Variants in FARP2 observed in about 807,000 individuals in gnomAD.
FARP2 encodes FERM, ARH/RhoGEF and pleckstrin domain protein 2.
FARP2 carries 111 observed loss-of-function variants against 130.5 expected under a neutral mutation model. The observed-to-expected ratio is 0.85, with a 90% CI of 0.73 to 1.00. FARP2 has a LOEUF of 1.00. FARP2 is among the 50% of genes least tolerant of loss of function. The pLI is 0.00. For missense variants in FARP2, 1,385 were observed against 1,346.3 expected (o/e 1.03, Z -0.45); for synonymous variants, 504 against 516.9 (o/e 0.98, Z 0.34).
intron 2 of FARP2, among the ~76,000 whole-genome samples, chr2:241,397,943 C>T (rs2062071315): frequency 6.6e-6 from 1 of 151,176 alleles, no homozygotes; most frequent in East Asian, 2.0e-4. Context: ...CATTCTCCTA[C>T]CTCAGCCTCC....
chr2:241,463,936 C>G lies in FARP2; in HGVS notation c.1849C>G (p.Gln617Glu), dbSNP rs777721028. Residue 617 changes from glutamine (Q) to glutamate (E), a missense_variant, in exon 17 of 27, where the codon CAA becomes GAA. By Grantham distance (29) the Gln-to-Glu change is conservative. Coordinates refer to ENST00000264042, the MANE Select transcript of FARP2 (RefSeq NM_014808.4). The part of the protein sequence containing the change: ...PSKAHTKGSH[Q>E]RIGDILLRNM... ...CAAAGCCCACACAAAAGGCAGTCAT[C>G]AACGAATCGGGGACATCCTGCTCAG... The G allele has an allele frequency of 3.1e-6, 5 of 1,614,116 alleles. No homozygotes were observed. The highest frequency in any genetic ancestry group is 1.6e-4 in the Middle Eastern group (1 of 6,062).
At chr2:241,431,346 G>A (rs1306947951) in intron 8 of FARP2, among the ~76,000 whole-genome samples, 2 of 151,530 alleles carry the variant, frequency 1.3e-5, no homozygotes, top group Non-Finnish European at 2.9e-5. Flanking sequence ...GTGGTGTCTG[G>A]TGTCTGTAGT....
In FARP2 at chr2:241,454,540, G is replaced by A. The variant is rs140245904; in HGVS notation, c.1412-2207G>A. Among the ~76,000 whole-genome samples the A allele has an allele frequency of 6.4e-4, 97 of 152,248 alleles. 1 individual carries two copies. Among genetic ancestry groups the A allele is most frequent in the Middle Eastern group, 3.4e-3 (1 of 294 alleles). ...TTCTGGAACACAAACCCCAAACAGC[G>A]CATCTTCGGAAACATGCCTGTTTTC... On this transcript the variant is annotated intron_variant, in intron 13 of 26. Transcript: ENST00000264042.
intron 11 of FARP2, 124 bp from the exon 12 acceptor site, chr2:241,436,357 A>T: frequency 2.6e-6 from 2 of 773,882 alleles, no homozygotes; most frequent in Non-Finnish European, 4.5e-6. Flanking sequence ...TTCAAGTTAG[A>T]TACCTCTTAG....
chr2:241,431,547 ATC>A, intron 8 of FARP2, 130 bp from the exon 9 acceptor site: 1 of 598,628 alleles, frequency 1.7e-6, no homozygotes, highest in Non-Finnish European at 3.0e-6. Flanking sequence ...TAAGTCAGCT[ATC>A]TCAGATATAA....
chr2:241,360,127 C>T (rs563675547), intron 1 of FARP2, among the ~76,000 whole-genome samples: 1 of 152,220 alleles, frequency 6.6e-6, no homozygotes, highest in Non-Finnish European at 1.5e-5. Context: ...TATTTGTCCA[C>T]TATATAGGGG....
At chr2:241,470,708 AG>A (rs139450760) in intron 18 of FARP2, among the ~76,000 whole-genome samples, 4,575 of 150,998 alleles carry the variant, frequency 0.03, 224 homozygotes, top group African/African-American at 0.1. Context: ...ATGCACTCTG[AG>A]GGGATCTTGG....
At chr2:241,435,577 T>C (rs1420927582) in intron 11 of FARP2, among the ~76,000 whole-genome samples, 1 of 150,238 alleles carries the variant, frequency 6.7e-6, no homozygotes, top group Admixed American at 6.7e-5. Flanking sequence ...AGTGGTGCGA[T>C]CTCGGCTCAC....
chr2:241,359,225 A>G (rs1014194829), intron 1 of FARP2, among the ~76,000 whole-genome samples: 7 of 152,156 alleles, frequency 4.6e-5, no homozygotes, highest in African/African-American at 1.7e-4. Context: ...AGAGTCATGA[A>G]TTGTTTTCCC....
intron 17 of FARP2, chr2:241,465,398 G>A: frequency 7.6e-7 from 1 of 1,317,346 alleles, no homozygotes; most frequent in Non-Finnish European, 1.1e-6. Context: ...CTGCTGTGGG[G>A]AGGGCAGGGC....
At chr2:241,483,639 T>TA in intron 20 of FARP2, 106 bp downstream of exon 20, 1 of 1,337,934 alleles carries the variant, frequency 7.5e-7, no homozygotes, top group East Asian at 2.4e-5. Flanking sequence ...CTGGGTAGTT[T>TA]AGCACTTGGA....
chr2:241,491,871 G>C (rs528438146), intron 24 of FARP2, among the ~76,000 whole-genome samples, 192 bp downstream of exon 24: 96 of 152,270 alleles, frequency 6.3e-4, no homozygotes, highest in Non-Finnish European at 1.2e-3. Context: ...CTTTGAAAAG[G>C]GTGTTTCAGG....
chr2:241,435,619 C>G (rs1436180797), intron 11 of FARP2, among the ~76,000 whole-genome samples: 1 of 149,596 alleles, frequency 6.7e-6, no homozygotes, highest in Non-Finnish European at 1.5e-5. Flanking sequence ...TCACACCATT[C>G]TTCTGCCTCA....
chr2:241,435,399 C>T (rs2150403770), intron 11 of FARP2, among the ~76,000 whole-genome samples: 1 of 152,140 alleles, frequency 6.6e-6, no homozygotes, highest in South Asian at 2.1e-4. Context: ...AGCCACCATG[C>T]CCAGCCTATT....
chr2:241,411,975 A>T (rs2062530114), intron 6 of FARP2, among the ~76,000 whole-genome samples: 1 of 152,194 alleles, frequency 6.6e-6, no homozygotes. Flanking sequence ...TCTCAGGTAG[A>T]CACATGGCAA....
chr2:241,469,514 A>G (rs1003759316), intron 18 of FARP2, among the ~76,000 whole-genome samples: 1 of 152,260 alleles, frequency 6.6e-6, no homozygotes, highest in Non-Finnish European at 1.5e-5. Context: ...AAGAAATAGA[A>G]TGGATCATAC....
intron 1 of FARP2, among the ~76,000 whole-genome samples, chr2:241,369,835 A>G (rs910576457): frequency 3.9e-5 from 6 of 152,232 alleles, no homozygotes; most frequent in African/African-American, 1.4e-4. Flanking sequence ...GAGCTGACCA[A>G]GAACATATAG....
intron 13 of FARP2, chr2:241,443,163 C>CA (rs1288070669): frequency 9.4e-6 from 2 of 213,424 alleles, no homozygotes; most frequent in Non-Finnish European, 1.9e-5. Flanking sequence ...GAAAGAGTCC[C>CA]ACTGGGACTC....
intron 2 of FARP2, among the ~76,000 whole-genome samples, chr2:241,402,195 A>C (rs1291844505): frequency 1.3e-5 from 2 of 152,240 alleles, no homozygotes; most frequent in Non-Finnish European, 2.9e-5. Flanking sequence ...TACTGGGCAA[A>C]GGTAAATGCA....
Sources: gnomAD v4.1 joint callset for allele counts (sites outside exome capture counted in the v4.1 genomes callset) on GRCh38, gnomAD v4.1.1 for gene constraint, MANE v1.5 for transcripts, NCBI Gene and HGNC (gene_info 2026-07-23, HGNC 2026-07-21) for gene names.